Variants in FAF2 observed in about 807,000 individuals in gnomAD.
FAF2 encodes Fas associated factor family member 2.
A neutral mutation model predicts 62.3 loss-of-function variants in FAF2; 9 were observed. The observed-to-expected ratio is 0.14, with a 90% CI of 0.09 to 0.25. FAF2 has a LOEUF of 0.25. FAF2 is among the 10% of genes least tolerant of loss of function. The pLI, the probability that FAF2 is intolerant of heterozygous loss-of-function variation, is 1.00. For missense variants in FAF2, 368 were observed against 556.2 expected (o/e 0.66, Z 3.40); for synonymous variants, 202 against 198.0 (o/e 1.02, Z -0.17).
At position 176,500,182 on chromosome 5, in the gene FAF2, C is replaced by T. The variant is rs180721374; in HGVS notation, c.1155+36C>T. On this transcript the variant is annotated intron_variant, in intron 10 of 10. Coordinates refer to ENST00000261942, the MANE Select transcript of FAF2 (RefSeq NM_014613.3). ...CCTAAGTTCTGTGAAGTGTATGTAG[C>T]ATCTGGGCTATAGATTTGGAGCTTT... 3.2e-5 allele frequency: 52 copies of T among 1,603,810 alleles called. No homozygotes were observed. In the African/African-American group the frequency reaches 6.8e-4, roughly 21 times the overall value.
At chr5:176,497,268 G>T (rs1421132636) in intron 8 of FAF2, among the ~76,000 whole-genome samples, 1 of 152,080 alleles carries the variant, frequency 6.6e-6, no homozygotes, top group African/African-American at 2.4e-5. Flanking sequence ...AAGTGGAATG[G>T]TTATAATTCC....
rs1334449784 is a variant in FAF2 at position 176,508,255 on chromosome 5, A to C, written c.*1305A>C. ...TGGTTGAGTTTATGGTAATGGGTAC[A>C]TGGGTCAGGCCATGTATTAACAGAT... On this transcript the variant is annotated 3_prime_UTR_variant, in exon 11 of 11. Transcript: ENST00000261942. 3 of 152,170 alleles carry C rather than the reference A, an allele frequency of 2.0e-5. No homozygotes were observed. In the East Asian group the frequency reaches 5.8e-4, roughly 29 times the overall value. The allele number at this position is 152,170 out of a possible 1,614,324, so 9.4% of individuals were successfully genotyped here.
intron 10 of FAF2, among the ~76,000 whole-genome samples, chr5:176,505,015 C>G (rs771443279): frequency 0.11 from 15,551 of 146,800 alleles, 1,049 homozygotes; most frequent in East Asian, 0.28. Flanking sequence ...AGAGCAAGAC[C>G]TGTCTGGGAA....
In FAF2 at chr5:176,506,886, C is replaced by T. The variant is rs1275831883; in HGVS notation, c.1274C>T (p.Thr425Met). 3.1e-6 allele frequency: 5 copies of T among 1,613,498 alleles called. No homozygotes were observed. The highest frequency in any genetic ancestry group is 4.2e-6 in the Non-Finnish European group (5 of 1,179,636). ...IPSEEWPNPPTLQEAGLSHTE... is the reference protein window; with the variant it reads ...IPSEEWPNPPMLQEAGLSHTE... ...TCAGAGGAGTGGCCCAATCCCCCTA[C>T]GCTACAGGAGGCCGGACTCAGCCAC... The change falls in exon 11 of 11, where the codon ACG becomes ATG. Residue 425 changes from threonine to methionine, a missense_variant. Physicochemically the swap from Thr to Met is moderately conservative, Grantham distance 81. Transcript: ENST00000261942.
chr5:176,468,575 C>G (rs954464169), intron 1 of FAF2, among the ~76,000 whole-genome samples: 15 of 152,172 alleles, frequency 9.9e-5, no homozygotes, highest in African/African-American at 3.6e-4. Context: ...CAGAGCAAGA[C>G]TCCGTCTCAA....
Position 176,451,888 on chromosome 5 carries a change from ATATATTTTTTTTTTTTT to A in FAF2, c.63+3420_63+3436del, listed in dbSNP as rs1758190709. Among the ~76,000 whole-genome samples, 137 of 28,500 alleles carry A rather than the reference ATATATTTTTTTTTTTTT, an allele frequency of 4.8e-3. 8 individuals are homozygous for A. Among genetic ancestry groups the A allele is most frequent in the African/African-American group, 0.019 (132 of 6,888 alleles). The allele number at this position is 28,500 out of a possible 152,430, so 18.7% of individuals were successfully genotyped here. ...TATATATACACACATATATATATAT[ATATATTTTTTTTTTTTT>A]TTTTTTTTTTTTTTTTGAGACAACA... On this transcript the variant is annotated intron_variant, in intron 1 of 10. Coordinates refer to ENST00000261942, the MANE Select transcript of FAF2 (RefSeq NM_014613.3).
At chr5:176,490,523 C>G (rs987588421) in intron 4 of FAF2, among the ~76,000 whole-genome samples, 1 of 108,814 alleles carries the variant, frequency 9.2e-6, no homozygotes, top group African/African-American at 3.3e-5. Context: ...ATGGGACAGC[C>G]TTTACCCTGC....
chr5:176,449,516 A>G (rs957291489), intron 1 of FAF2, among the ~76,000 whole-genome samples: 1 of 152,132 alleles, frequency 6.6e-6, no homozygotes, highest in Non-Finnish European at 1.5e-5. Flanking sequence ...CGGAGGTTGC[A>G]GTGAGCCGAG....
At chr5:176,465,978 G>A (rs1758460784) in intron 1 of FAF2, among the ~76,000 whole-genome samples, 1 of 152,208 alleles carries the variant, frequency 6.6e-6, no homozygotes, top group Non-Finnish European at 1.5e-5. Flanking sequence ...CCATTATCTA[G>A]ATATTCCTAG....
chr5:176,454,569 T>C (rs1333530235), intron 1 of FAF2, among the ~76,000 whole-genome samples: 1 of 115,052 alleles, frequency 8.7e-6, no homozygotes, highest in Non-Finnish European at 1.7e-5. Flanking sequence ...CAGAGCCAGA[T>C]TCTGTCTGAA....
chr5:176,452,959 A>G (rs915473685), intron 1 of FAF2, among the ~76,000 whole-genome samples: 1 of 152,222 alleles, frequency 6.6e-6, no homozygotes, highest in African/African-American at 2.4e-5. Context: ...CATTTGGTAT[A>G]TTGAAATCAG....
At chr5:176,479,369 G>A (rs879016622) in intron 2 of FAF2, 113 bp downstream of exon 2, 3 of 839,856 alleles carry the variant, frequency 3.6e-6, no homozygotes, top group East Asian at 5.0e-5. Flanking sequence ...TCAGAATTAT[G>A]ACTCTAAAAA....
intron 2 of FAF2, among the ~76,000 whole-genome samples, chr5:176,484,996 A>G (rs193048492): frequency 4.6e-5 from 7 of 152,232 alleles, no homozygotes; most frequent in African/African-American, 1.4e-4. Flanking sequence ...AATTGTGAAG[A>G]AAGAAAAAGA....
rs1226797266 is a variant in FAF2, at chr5:176,494,931, A to G, written c.661+656A>G. 1.3e-5 allele frequency among the ~76,000 whole-genome samples: 2 copies of G among 152,192 alleles called. No homozygotes were observed. Among genetic ancestry groups the G allele is most frequent in the Non-Finnish European group, 2.9e-5 (2 of 68,024 alleles). On this transcript the variant is annotated intron_variant, in intron 7 of 10. Transcript: ENST00000261942. This position sits in a 1 kb window ranked among gnomAD's most constrained non-coding sequence, Gnocchi z 4.0. ...ATTCAGCATTGCCAAAGCCTGCCACATTCATAGAAATACCCAGTCTTGGCT... is the reference window on the plus strand; with the variant it reads ...ATTCAGCATTGCCAAAGCCTGCCACGTTCATAGAAATACCCAGTCTTGGCT...
At chr5:176,457,391 A>G (rs1260647772) in intron 1 of FAF2, among the ~76,000 whole-genome samples, 2 of 151,984 alleles carry the variant, frequency 1.3e-5, no homozygotes, top group East Asian at 3.9e-4. Flanking sequence ...AGGTTTCACC[A>G]TGTTGGGCAG....
intron 2 of FAF2, 119 bp from the exon 3 acceptor site, chr5:176,486,236 A>G (rs755257678): frequency 2.5e-5 from 32 of 1,267,812 alleles, no homozygotes; most frequent in Admixed American, 4.4e-5. Context: ...CTCCTCAGTG[A>G]CCTTTTGGTG....
At chr5:176,474,527 G>A (rs191479998) in intron 1 of FAF2, among the ~76,000 whole-genome samples, 38 of 152,184 alleles carry the variant, frequency 2.5e-4, no homozygotes, top group African/African-American at 8.4e-4. Context: ...TGTTCCATCC[G>A]GAGAGCCTCT....
intron 7 of FAF2, among the ~76,000 whole-genome samples, chr5:176,495,652 C>T (rs1003266694): frequency 6.6e-6 from 1 of 151,948 alleles, no homozygotes; most frequent in Non-Finnish European, 1.5e-5. Context: ...TCTGGAATTA[C>T]AGGCGCGTAC....
At chr5:176,465,366 C>CTTTTT (rs70991554) in intron 1 of FAF2, among the ~76,000 whole-genome samples, 7 of 115,724 alleles carry the variant, frequency 6.0e-5, no homozygotes, top group African/African-American at 1.4e-4. Context: ...CTTTTTCTTT[C>CTTTTT]TTTTTTTTTT....
Sources: allele counts gnomAD v4.1 joint callset (sites outside exome capture counted in the v4.1 genomes callset), GRCh38; gene constraint gnomAD v4.1.1; non-coding constraint Gnocchi (gnomAD v3.1); transcripts MANE v1.5; gene names NCBI Gene and HGNC (gene_info 2026-07-23, HGNC 2026-07-21).